Variants in LARGE1 observed in about 807,000 individuals in gnomAD.
LARGE1 encodes xylosyl- and glucuronyltransferase LARGE1.
Under a neutral mutation model 87.6 loss-of-function variants are expected in LARGE1, and 43 were observed. That is an observed-to-expected ratio of 0.49 (90% confidence interval 0.38 to 0.63). The LOEUF (loss-of-function observed/expected upper bound fraction) is 0.63, where lower values mean the gene tolerates loss of function less well. Ranked by LOEUF, LARGE1 falls within the 30% of genes least tolerant of loss-of-function variation. The pLI is 0.00. For synonymous variants in LARGE1, 434 were observed against 394.6 expected, an observed-to-expected ratio of 1.10 and a Z score of -1.18; for missense variants, 802 against 1,000.2, an observed-to-expected ratio of 0.80 and a Z score of 2.67.
intron 11 of LARGE1, among the ~76,000 whole-genome samples, chr22:33,245,773 G>T (rs188616566): frequency 2.8e-4 from 43 of 152,296 alleles, no homozygotes; most frequent in Middle Eastern, 3.4e-3. Context: ...GCCAGGCGTG[G>T]TGGTGCATGC....
chr22:33,277,279 T>A, intron 13 of LARGE1, 24 bp from the exon 14 acceptor site: 1 of 1,611,956 alleles, frequency 6.2e-7, no homozygotes. Context: ...AGAAAAGCCA[T>A]TGGGTGTAGG....
At chr22:33,889,810 A>T (rs1411655899) in intron 1 of LARGE1, among the ~76,000 whole-genome samples, 1 of 152,228 alleles carries the variant, frequency 6.6e-6, no homozygotes, top group Non-Finnish European at 1.5e-5. Flanking sequence ...ATTCATTCAT[A>T]ACTTTCTGAG....
intron 6 of LARGE1, among the ~76,000 whole-genome samples, chr22:33,553,111 G>T (rs986142457): frequency 2.0e-5 from 3 of 152,058 alleles, no homozygotes; most frequent in Non-Finnish European, 2.9e-5. Flanking sequence ...TTTTGGAAAT[G>T]TGTTTACTCC....
intron 1 of LARGE1, among the ~76,000 whole-genome samples, chr22:33,863,296 ATGCT>A (rs2063986510): frequency 6.6e-6 from 1 of 152,190 alleles, no homozygotes; most frequent in South Asian, 2.1e-4. Flanking sequence ...GCACTCAATA[ATGCT>A]GTTGTCTTTA....
chr22:33,109,210 T>C, the LARGE1 span: 1 of 152,026 alleles, frequency 6.6e-6, no homozygotes, highest in Non-Finnish European at 1.5e-5. Flanking sequence ...CAGAGCCCCA[T>C]CTCTCTACCA....
intron 2 of LARGE1, among the ~76,000 whole-genome samples, chr22:33,703,711 C>A (rs929080213): frequency 6.6e-6 from 1 of 152,182 alleles, no homozygotes; most frequent in Non-Finnish European, 1.5e-5. Context: ...CTGAAAAGGG[C>A]AAGGGGATGG....
the LARGE1 span, among the ~76,000 whole-genome samples, chr22:33,157,101 C>A: frequency 6.6e-6 from 1 of 152,216 alleles, no homozygotes. Context: ...ATGTCTTTAT[C>A]AGCAGGATGA....
chr22:33,213,017 G>GAA (rs140755781), intron 11 of LARGE1, among the ~76,000 whole-genome samples: 21 of 123,656 alleles, frequency 1.7e-4, no homozygotes, highest in South Asian at 5.1e-4. Context: ...GACTCCGTCT[G>GAA]AAAAAAAAAA....
chr22:33,323,294 A>T (rs2146382316), intron 10 of LARGE1, among the ~76,000 whole-genome samples: 1 of 152,378 alleles, frequency 6.6e-6, no homozygotes, highest in East Asian at 1.9e-4. Flanking sequence ...TTGCACCTTG[A>T]TCCACCTAAT....
At chr22:33,298,377 C>T (rs1200311331) in intron 12 of LARGE1, among the ~76,000 whole-genome samples, 1 of 152,238 alleles carries the variant, frequency 6.6e-6, no homozygotes, top group Non-Finnish European at 1.5e-5. Flanking sequence ...TTCGGGCATT[C>T]CTGGGTGCTC....
chr22:33,184,909 G>A (rs567338922), intron 11 of LARGE1, among the ~76,000 whole-genome samples: 5 of 152,158 alleles, frequency 3.3e-5, no homozygotes, highest in South Asian at 2.1e-4. Context: ...TAACCATATC[G>A]AATGCAGACA....
chr22:33,075,083 C>A, the LARGE1 span, among the ~76,000 whole-genome samples: 1 of 152,208 alleles, frequency 6.6e-6, no homozygotes, highest in African/African-American at 2.4e-5. Flanking sequence ...ATAGCCTGAA[C>A]TATTAACCAT....
intron 1 of LARGE1, among the ~76,000 whole-genome samples, chr22:33,868,030 A>G (rs2064158954): frequency 6.6e-6 from 1 of 152,112 alleles, no homozygotes; most frequent in African/African-American, 2.4e-5. Flanking sequence ...GCAGCACACT[A>G]CCCGCTCCAT....
chr22:33,676,617 ATAATAAAC>A lies in LARGE1; in HGVS notation c.107-25957_107-25950del, dbSNP rs1475726480. On this transcript the variant is annotated intron_variant, in intron 2 of 14. Transcript: ENST00000397394. ...AAAAAAAAAAATAAGAAAATCAACAATAATAAACAACATGTATATTAGAAGAACATTGT... is the reference window on the plus strand; with the variant it reads ...AAAAAAAAAAATAAGAAAATCAACAAAACATGTATATTAGAAGAACATTGT... Among the ~76,000 whole-genome samples the A allele has an allele frequency of 3.9e-5, 6 of 152,206 alleles. No individual in the cohort carries two copies. In the East Asian group the frequency reaches 1.2e-3, roughly 29 times the overall value.
At position 33,283,329 on chromosome 22, in the gene LARGE1, C is replaced by T. The variant is rs771499820; in HGVS notation, c.1750G>A (p.Asp584Asn). The T allele has an allele frequency of 5.5e-5, 89 of 1,614,000 alleles. No individual in the cohort carries two copies. Among genetic ancestry groups the T allele is most frequent in the Non-Finnish European group, 7.0e-5 (83 of 1,180,030 alleles). The change falls in exon 13 of 15, where the codon GAT becomes AAT. Residue 584 changes from aspartate to asparagine, a missense_variant. Asp to Asn is a conservative substitution (Grantham distance 23, BLOSUM62 1). This residue lies in a region of LARGE1 where 625 missense variants were observed against 841.9 expected (regional missense o/e 0.74). Coordinates refer to ENST00000397394, the MANE Select transcript of LARGE1 (RefSeq NM_133642.5). Reference sequence around the variant, plus strand: ...ATTGCTTTCTTGGTGTTGGCAAGATCGAGCTGGATGACAGACTTCCTGAAA... The same window carrying T: ...ATTGCTTTCTTGGTGTTGGCAAGATTGAGCTGGATGACAGACTTCCTGAAA... Reference protein sequence around the residue: ...EYLRKSVIQLDLANTKKAMIV... With the variant: ...EYLRKSVIQLNLANTKKAMIV...
At chr22:33,513,798 C>T (rs1484070581) in intron 6 of LARGE1, among the ~76,000 whole-genome samples, 3 of 129,350 alleles carry the variant, frequency 2.3e-5, no homozygotes, top group Non-Finnish European at 5.1e-5. Context: ...GCTCTAGAGA[C>T]TTAAGAGCTG....
At chr22:33,575,495 G>A (rs931577836) in intron 5 of LARGE1, among the ~76,000 whole-genome samples, 1 of 152,108 alleles carries the variant, frequency 6.6e-6, no homozygotes, top group African/African-American at 2.4e-5. Flanking sequence ...GTCAGCTACA[G>A]CAAAATTCTT....
the LARGE1 span, among the ~76,000 whole-genome samples, chr22:33,082,219 A>G: frequency 1.3e-5 from 2 of 151,994 alleles, no homozygotes; most frequent in Non-Finnish European, 2.9e-5. Context: ...GGCCTTTATT[A>G]CTCCCAGCAG....
At chr22:33,594,606 T>TTTTTTG (rs1428757240) in intron 5 of LARGE1, among the ~76,000 whole-genome samples, 5 of 152,094 alleles carry the variant, frequency 3.3e-5, no homozygotes, top group Non-Finnish European at 1.5e-5. Flanking sequence ...ATCAATGAAG[T>TTTTTTG]TTTTTGTTTT....
Sources: allele counts gnomAD v4.1 joint callset (sites outside exome capture counted in the v4.1 genomes callset), GRCh38; gene constraint gnomAD v4.1.1; regional missense constraint gnomAD v4.1.1; transcripts MANE v1.5; gene names NCBI Gene and HGNC (gene_info 2026-07-23, HGNC 2026-07-21).